RBFOX1: variants seen among roughly 807,000 people sequenced by gnomAD.
RBFOX1 encodes RNA binding protein fox-1 homolog 1.
In RBFOX1, 8 loss-of-function variants were observed where a neutral mutation model predicts 57.7. The observed-to-expected ratio is 0.14, with a 90% CI of 0.08 to 0.25. The LOEUF (loss-of-function observed/expected upper bound fraction) is 0.25, where lower values mean the gene tolerates loss of function less well. Among genes scored for constraint, RBFOX1 ranks in the 10% least tolerant of loss-of-function variants. RBFOX1 has a pLI of 1.00. For synonymous variants in RBFOX1, 326 were observed against 222.4 expected, an observed-to-expected ratio of 1.47 and a Z score of -4.15; for missense variants, 611 against 548.5, an observed-to-expected ratio of 1.11 and a Z score of -1.14.
intron 1 of RBFOX1, among the ~76,000 whole-genome samples, chr16:6,250,195 C>T (rs1205065238): frequency 6.6e-6 from 1 of 152,176 alleles, no homozygotes. Flanking sequence ...GCTATAAGAG[C>T]AGGGACTATC....
chr16:6,482,580 A>C (rs1168275265), intron 2 of RBFOX1, among the ~76,000 whole-genome samples: 1 of 152,248 alleles, frequency 6.6e-6, no homozygotes, highest in Non-Finnish European at 1.5e-5. Context: ...AAATTTCAAC[A>C]GAGACGACAG....
rs537866866 is a variant in RBFOX1 at position 5,679,117 on chromosome 16, C to T, written c.318+80156C>T. Among the ~76,000 whole-genome samples the T allele has an allele frequency of 2.3e-4, 35 of 152,248 alleles. No individual in the cohort carries two copies. In the South Asian group the frequency reaches 7.1e-3, roughly 31 times the overall value. ...TGCCTTGTTGCAATACATAGCTGTT[C>T]AGCTAATTGGCAAAGAGAAACCAGG... On this transcript the variant is annotated intron_variant, in intron 3 of 19. Transcript: ENST00000641259.
At chr16:6,578,588 G>GGT (rs1344034811) in intron 2 of RBFOX1, among the ~76,000 whole-genome samples, 45 of 11,182 alleles carry the variant, frequency 4.0e-3, no homozygotes, top group Admixed American at 7.2e-3. Context: ...TATGGGTATT[G>GGT]GTGTGTGTGC....
At chr16:6,391,550 C>G (rs1280845066) in intron 2 of RBFOX1, among the ~76,000 whole-genome samples, 1 of 151,342 alleles carries the variant, frequency 6.6e-6, no homozygotes, top group Non-Finnish European at 1.5e-5. Context: ...TGATTTGATT[C>G]ACATTTTTAA....
At chr16:6,847,895 T>C (rs1189453761) in intron 3 of RBFOX1, among the ~76,000 whole-genome samples, 1 of 152,120 alleles carries the variant, frequency 6.6e-6, no homozygotes, top group East Asian at 1.9e-4. Context: ...TGGAGAGTAC[T>C]GGCACAATCT....
chr16:6,602,330 C>G (rs1228052132), intron 2 of RBFOX1, among the ~76,000 whole-genome samples: 1 of 152,212 alleles, frequency 6.6e-6, no homozygotes, highest in South Asian at 2.1e-4. Flanking sequence ...CTGAAAAAGT[C>G]CGACGTATTC....
At position 6,678,158 on chromosome 16, in the gene RBFOX1, C is replaced by T. The variant is rs189646698; in HGVS notation, c.-16+23508C>T. Reference sequence around the variant, plus strand: ...GTTGTGTTTGAGACGGAGTCTCGCTCTGTCGCCCAGGCTGGAGTGCAGTGG... The same window carrying T: ...GTTGTGTTTGAGACGGAGTCTCGCTTTGTCGCCCAGGCTGGAGTGCAGTGG... On this transcript the variant is annotated intron_variant, in intron 3 of 15. Transcript: ENST00000550418. 2.2e-3 allele frequency among the ~76,000 whole-genome samples: 334 copies of T among 152,342 alleles called. 3 individuals are homozygous for T. Among genetic ancestry groups the T allele is most frequent in the African/African-American group, 7.4e-3 (309 of 41,576 alleles).
Position 5,669,981 on chromosome 16 carries a change from A to G in RBFOX1, c.318+71020A>G, listed in dbSNP as rs569689400. On this transcript the variant is annotated intron_variant, in intron 3 of 19. Transcript: ENST00000641259. ...GATAAACACATTGTGGTCTATCCAT[A>G]CAGCAGAGTATTTTTTATCCATAAA... is the stretch of plus-strand genomic sequence containing the variant. Among the ~76,000 whole-genome samples the G allele has an allele frequency of 2.0e-3, 307 of 152,364 alleles. 1 individual carries two copies. The highest frequency in any genetic ancestry group is 7.2e-3 in the African/African-American group (298 of 41,588).
chr16:6,361,628 T>TA (rs748348039), intron 2 of RBFOX1, among the ~76,000 whole-genome samples: 3,707 of 127,866 alleles, frequency 0.029, 127 homozygotes, highest in African/African-American at 0.09. Context: ...ACTCTGTCTC[T>TA]AAAAAAAAAA....
chr16:7,046,308 C>T (rs565036829), intron 3 of RBFOX1, among the ~76,000 whole-genome samples: 32 of 151,832 alleles, frequency 2.1e-4, no homozygotes, highest in Non-Finnish European at 3.2e-4. Context: ...CTGGATGTTT[C>T]ACTTTTTTCG....
chr16:6,101,541 C>T (rs1685680624), intron 1 of RBFOX1, among the ~76,000 whole-genome samples: 1 of 152,002 alleles, frequency 6.6e-6, no homozygotes, highest in African/African-American at 2.4e-5. Context: ...GGCTGGAGTG[C>T]AATGATGTGA....
At chr16:6,118,150 A>G (rs573709044) in intron 1 of RBFOX1, among the ~76,000 whole-genome samples, 1 of 152,346 alleles carries the variant, frequency 6.6e-6, no homozygotes, top group Non-Finnish European at 1.5e-5. Flanking sequence ...CTAATAAGTT[A>G]GCATTAAGAC....
At chr16:6,873,202 A>AT (rs1567659758) in intron 3 of RBFOX1, among the ~76,000 whole-genome samples, 1 of 151,774 alleles carries the variant, frequency 6.6e-6, no homozygotes, top group African/African-American at 2.4e-5. Context: ...AGGAGTAGAG[A>AT]TTTTTGCCTC....
intron 2 of RBFOX1, among the ~76,000 whole-genome samples, chr16:6,584,599 C>T (rs965109263): frequency 2.0e-5 from 3 of 151,872 alleles, no homozygotes; most frequent in Admixed American, 6.6e-5. Flanking sequence ...AAACTCCTCA[C>T]CTCAAATGAT....
At position 5,801,262 on chromosome 16, in the gene RBFOX1, A is replaced by G. The variant is rs1183320148; in HGVS notation, c.319-66041A>G. Among the ~76,000 whole-genome samples, 4 of 152,094 alleles carry G rather than the reference A, an allele frequency of 2.6e-5. No individual in the cohort carries two copies. The South Asian group carries it at 6.2e-4, about 24-fold the overall frequency. On this transcript the variant is annotated intron_variant, in intron 3 of 19. Transcript: ENST00000641259. ...AAAGTACTGAAATAAAATTAGGCTG[A>G]TCTATCTAATTTACATTAAGCACTT... is the stretch of plus-strand genomic sequence containing the variant.
intron 3 of RBFOX1, among the ~76,000 whole-genome samples, chr16:5,834,781 G>C: frequency 1.3e-4 from 3 of 23,786 alleles, no homozygotes; most frequent in African/African-American, 4.4e-4. Flanking sequence ...ACAGATGATA[G>C]ATAGATAGAT....
chr16:7,298,285 G>GTTTTTTTTTTTTTT (rs201092743), intron 4 of RBFOX1, among the ~76,000 whole-genome samples: 4 of 96,588 alleles, frequency 4.1e-5, no homozygotes, highest in East Asian at 2.9e-4. Context: ...GTTTTTTTTT[G>GTTTTTTTTTTTTTT]TTTTTTTTTT....
At chr16:5,611,719 T>TATCCATCCATCC (rs61156757) in intron 3 of RBFOX1, among the ~76,000 whole-genome samples, 5,365 of 114,584 alleles carry the variant, frequency 0.047, 513 homozygotes, top group African/African-American at 0.17. Context: ...TCCATCCATC[T>TATCCATCCATCC]ATCCATCCAT....
chr16:5,664,162 A>C (rs1286671214), intron 3 of RBFOX1, among the ~76,000 whole-genome samples: 2 of 152,170 alleles, frequency 1.3e-5, no homozygotes, highest in African/African-American at 4.8e-5. Flanking sequence ...CGATTGGCTA[A>C]ATTTTAAATA....
Sources: gnomAD v4.1 joint callset for allele counts (sites outside exome capture counted in the v4.1 genomes callset) on GRCh38, gnomAD v4.1.1 for gene constraint, MANE v1.5 for transcripts, NCBI Gene and HGNC (gene_info 2026-07-23, HGNC 2026-07-21) for gene names.